ZSCAN4: variants seen among roughly 807,000 people sequenced by gnomAD.
ZSCAN4 encodes zinc finger and SCAN domain-containing protein 4.
ZSCAN4 carries 18 observed loss-of-function variants against 18.3 expected under a neutral mutation model. The ratio of observed to expected loss-of-function variants is 0.98; its 90% confidence interval spans 0.68 to 1.46. The LOEUF (loss-of-function observed/expected upper bound fraction) is 1.46, where lower values mean the gene tolerates loss of function less well. Among genes scored for constraint, ZSCAN4 ranks in the 40% most tolerant of loss-of-function variants. The pLI, the probability that ZSCAN4 is intolerant of heterozygous loss-of-function variation, is 0.00. For synonymous variants in ZSCAN4, 193 were observed against 180.3 expected (o/e 1.07, Z -0.57); for missense variants, 498 against 511.4 (o/e 0.97, Z 0.25).
In ZSCAN4 at chr19:57,676,188, G is replaced by A. The variant is rs374947780; in HGVS notation, c.43G>A (p.Glu15Lys). 1.3e-5 allele frequency: 21 copies of A among 1,613,752 alleles called. No individual in the cohort carries two copies. In the African/African-American group the frequency reaches 1.9e-4, roughly 14 times the overall value. The change falls in exon 3 of 5, where the codon GAG (glutamate) becomes AAG (lysine). Residue 15 changes from glutamate (E) to lysine (K), a missense_variant. By Grantham distance (56) the Glu-to-Lys change is moderately conservative. Transcript: ENST00000318203. ...AACCATATTTCAGTGTGAACCATCC[G>A]AGAATAATCTTGGATCAGAAAATTC... is the stretch of plus-strand genomic sequence containing the variant.
the ZSCAN4 span, among the ~76,000 whole-genome samples, chr19:57,654,853 G>A: frequency 2.6e-5 from 4 of 152,224 alleles, no homozygotes; most frequent in East Asian, 7.7e-4. Context: ...TATTCCCACA[G>A]GGGGGCTGGA....
At chr19:57,676,365 C>A in exon 3 of ZSCAN4, 1 of 1,614,180 alleles carries the variant, frequency 6.2e-7, no homozygotes, top group Non-Finnish European at 8.5e-7. Context: ...CTCATGGCTG[C>A]AACCAGAAAA....
exon 3 of ZSCAN4, chr19:57,676,132 AATT>A: frequency 6.3e-7 from 1 of 1,590,708 alleles, no homozygotes; most frequent in South Asian, 1.1e-5. Flanking sequence ...TCTCTCTGAG[AATT>A]ATTGCTAAGA....
intron 1 of ZSCAN4, among the ~76,000 whole-genome samples, chr19:57,669,757 C>G (rs899926772): frequency 6.6e-6 from 1 of 151,572 alleles, no homozygotes; most frequent in African/African-American, 2.4e-5. Flanking sequence ...GACTTGGTCT[C>G]CTTCCATTTC....
chr19:57,659,741 G>T, the ZSCAN4 span, among the ~76,000 whole-genome samples: 1 of 151,990 alleles, frequency 6.6e-6, no homozygotes, highest in Non-Finnish European at 1.5e-5. Context: ...CCTTCAAAGC[G>T]GCCAGGAATC....
chr19:57,674,765 C>T (rs1984125500), intron 2 of ZSCAN4, among the ~76,000 whole-genome samples: 1 of 152,100 alleles, frequency 6.6e-6, no homozygotes, highest in Non-Finnish European at 1.5e-5. Flanking sequence ...AACTGATTTG[C>T]ATCCCCACCA....
chr19:57,663,060 CT>C, the ZSCAN4 span, among the ~76,000 whole-genome samples: 1 of 150,184 alleles, frequency 6.7e-6, no homozygotes, highest in East Asian at 2.0e-4. Flanking sequence ...CGTACCACCA[CT>C]TCCAGCTAAT....
At chr19:57,672,566 T>C (rs550915609) in intron 2 of ZSCAN4, among the ~76,000 whole-genome samples, 1 of 152,130 alleles carries the variant, frequency 6.6e-6, no homozygotes, top group South Asian at 2.1e-4. Context: ...ATTACCACGA[T>C]CAAGCTAGTT....
upstream of ZSCAN4, chr19:57,664,539 T>A (rs1304253918): frequency 2.0e-5 from 3 of 152,522 alleles, no homozygotes; most frequent in African/African-American, 7.3e-5. Context: ...GAGGGGCCCC[T>A]GGGACAGTGA....
At chr19:57,675,339 G>A (rs991355348) in intron 2 of ZSCAN4, among the ~76,000 whole-genome samples, 1 of 151,756 alleles carries the variant, frequency 6.6e-6, no homozygotes, top group Non-Finnish European at 1.5e-5. Context: ...GTAGAGATGG[G>A]GTTTCACCAT....
At chr19:57,672,449 T>C (rs540147694) in intron 2 of ZSCAN4, among the ~76,000 whole-genome samples, 1 of 152,274 alleles carries the variant, frequency 6.6e-6, no homozygotes, top group African/African-American at 2.4e-5. Context: ...TTTCTCTTTT[T>C]CTTGTTTTCC....
intron 2 of ZSCAN4, among the ~76,000 whole-genome samples, chr19:57,672,723 C>T (rs904496848): frequency 6.6e-6 from 1 of 151,884 alleles, no homozygotes; most frequent in Non-Finnish European, 1.5e-5. Context: ...GTGCCTCAGC[C>T]TCTCAAGTAG....
At chr19:57,655,289 C>G in the ZSCAN4 span, among the ~76,000 whole-genome samples, 1 of 152,190 alleles carries the variant, frequency 6.6e-6, no homozygotes, top group Non-Finnish European at 1.5e-5. Context: ...TGGATCCAGT[C>G]TGTACCATTG....
the ZSCAN4 span, among the ~76,000 whole-genome samples, chr19:57,657,228 C>T: frequency 6.6e-6 from 1 of 151,914 alleles, no homozygotes; most frequent in Non-Finnish European, 1.5e-5. Flanking sequence ...TGTACTCCAG[C>T]CTGGGCAACA....
intron 1 of ZSCAN4, among the ~76,000 whole-genome samples, chr19:57,669,549 C>A (rs1434227282): frequency 6.6e-6 from 1 of 152,102 alleles, no homozygotes; most frequent in Non-Finnish European, 1.5e-5. Flanking sequence ...TGCTCAGCCT[C>A]CTGAATAGCT....
At chr19:57,673,563 C>T (rs533531155) in intron 2 of ZSCAN4, among the ~76,000 whole-genome samples, 86 of 152,188 alleles carry the variant, frequency 5.7e-4, no homozygotes, top group Non-Finnish European at 9.9e-4. Flanking sequence ...ACCCAGGAGG[C>T]TGAGGCTGCA....
the ZSCAN4 span, among the ~76,000 whole-genome samples, chr19:57,652,408 CTGTT>C: frequency 6.6e-6 from 1 of 152,186 alleles, no homozygotes; most frequent in Non-Finnish European, 1.5e-5. Flanking sequence ...TTGTTTATCT[CTGTT>C]TGTGGTCCTC....
At chr19:57,675,365 C>A (rs2122304230) in intron 2 of ZSCAN4, among the ~76,000 whole-genome samples, 1 of 152,080 alleles carries the variant, frequency 6.6e-6, no homozygotes, top group African/African-American at 2.4e-5. Context: ...TCAGGCTGGT[C>A]TCGAAATCCT....
At chr19:57,656,182 G>T in the ZSCAN4 span, among the ~76,000 whole-genome samples, 1 of 152,088 alleles carries the variant, frequency 6.6e-6, no homozygotes, top group Non-Finnish European at 1.5e-5. Flanking sequence ...ATTATCCATT[G>T]CAATGGACAC....
Sources: allele counts gnomAD v4.1 joint callset (sites outside exome capture counted in the v4.1 genomes callset), GRCh38; gene constraint gnomAD v4.1.1; transcripts MANE v1.5; gene names NCBI Gene and HGNC (gene_info 2026-07-23, HGNC 2026-07-21).